The following UNC13C variants were observed in gnomAD, a reference collection of about 807,000 sequenced individuals.
UNC13C encodes the protein unc-13 homolog C, also known as protein unc-13 homolog C.
A neutral mutation model predicts 245.4 loss-of-function variants in UNC13C; 174 were observed. That is an observed-to-expected ratio of 0.71 (90% confidence interval 0.63 to 0.80). UNC13C has a LOEUF of 0.80. Among genes scored for constraint, UNC13C ranks in the 30% least tolerant of loss-of-function variants. The pLI, the probability that UNC13C is intolerant of heterozygous loss-of-function variation, is 0.00. For missense variants in UNC13C, 2,829 were observed against 2,602.9 expected, an observed-to-expected ratio of 1.09 and a Z score of -1.89; for synonymous variants, 992 against 895.1, an observed-to-expected ratio of 1.11 and a Z score of -1.93.
intron 4 of UNC13C, among the ~76,000 whole-genome samples, chr15:54,230,470 AATT>A (rs2035519544): frequency 2.4e-5 from 1 of 41,376 alleles, no homozygotes; most frequent in Non-Finnish European, 4.6e-5. Flanking sequence ...TGAAAATAAT[AATT>A]AATCTCTACT....
At chr15:53,998,837 T>G (rs1221946308) in intron 1 of UNC13C, among the ~76,000 whole-genome samples, 1 of 152,116 alleles carries the variant, frequency 6.6e-6, no homozygotes, top group Admixed American at 6.5e-5. Flanking sequence ...AAGTGCCTTT[T>G]TTTTCTTTAC....
chr15:53,955,647 G>A, the UNC13C span: 1 of 152,082 alleles, frequency 6.6e-6, no homozygotes, highest in Non-Finnish European at 1.5e-5. Context: ...GATATAAATG[G>A]GAAGTGGCAG....
At chr15:53,926,231 G>A in the UNC13C span, among the ~76,000 whole-genome samples, 5 of 152,020 alleles carry the variant, frequency 3.3e-5, no homozygotes, top group Non-Finnish European at 5.9e-5. Context: ...ATACAAAATA[G>A]TCATCTTCAA....
At chr15:54,323,099 G>T (rs2038207405) in intron 14 of UNC13C, among the ~76,000 whole-genome samples, 1 of 151,020 alleles carries the variant, frequency 6.6e-6, no homozygotes, top group Admixed American at 6.6e-5. Context: ...TTCCAATTTA[G>T]TTTACTGAAT....
chr15:54,558,943 C>A (rs1013364198), intron 29 of UNC13C, among the ~76,000 whole-genome samples: 2 of 151,922 alleles, frequency 1.3e-5, no homozygotes, highest in African/African-American at 4.8e-5. Context: ...CATGAGATTC[C>A]CCTAAATGTA....
chr15:54,306,789 T>A (rs765111773), intron 13 of UNC13C, among the ~76,000 whole-genome samples: 1 of 152,014 alleles, frequency 6.6e-6, no homozygotes, highest in Non-Finnish European at 1.5e-5. Flanking sequence ...TTTACCTTGA[T>A]GTGCTTACAA....
rs752179222 is a variant in UNC13C at position 54,012,874 on chromosome 15, G to C, written c.-30G>C. ...ATCCTGATACTTGTTTACTTTTCTGGGGCAGAAAAGCTTGCACTAATTGCT... is the reference window on the plus strand; with the variant it reads ...ATCCTGATACTTGTTTACTTTTCTGCGGCAGAAAAGCTTGCACTAATTGCT... On this transcript the variant is annotated 5_prime_UTR_variant, in exon 2 of 33. Transcript: ENST00000260323. 9.3e-6 allele frequency: 14 copies of C among 1,502,862 alleles called. No individual in the cohort carries two copies. The highest frequency in any genetic ancestry group is 1.2e-5 in the Non-Finnish European group (13 of 1,112,446). 93.1% of individuals were successfully genotyped at this position (1,502,862 alleles called of 1,614,324 possible).
At chr15:54,271,704 C>T (rs2036691921) in intron 10 of UNC13C, among the ~76,000 whole-genome samples, 1 of 152,120 alleles carries the variant, frequency 6.6e-6, no homozygotes, top group Non-Finnish European at 1.5e-5. Context: ...ATATGTGTTA[C>T]TTAATCTGTT....
intron 2 of UNC13C, among the ~76,000 whole-genome samples, chr15:54,071,383 A>C (rs985504733): frequency 4.4e-4 from 67 of 152,216 alleles, no homozygotes; most frequent in Non-Finnish European, 3.8e-4. Context: ...CTGTAGAAGT[A>C]ATGGGTATTG....
Position 54,511,834 on chromosome 15 carries a change from G to GCCCC in UNC13C, c.5457+4_5457+5insCCCC. The GCCCC allele has an allele frequency of 6.3e-7, 1 of 1,588,570 alleles. No homozygotes were observed. Among genetic ancestry groups the GCCCC allele is most frequent in the African/African-American group, 1.3e-5 (1 of 74,166 alleles). On this transcript the variant is annotated splice_donor_region_variant and intron_variant, in intron 24 of 32. Transcript: ENST00000260323. ...TGAATCCATGGGAGGGAAGGAGGTG[G>GCCCC]GTATCTTTTTCTCCTACATTTGCTA... is the stretch of plus-strand genomic sequence containing the variant.
At chr15:54,352,444 A>C (rs1179691955) in intron 17 of UNC13C, among the ~76,000 whole-genome samples, 1 of 151,096 alleles carries the variant, frequency 6.6e-6, no homozygotes, top group Admixed American at 6.6e-5. Context: ...AATCATGTGA[A>C]TAAAATGGTG....
At chr15:54,081,200 G>C (rs12898406) in intron 2 of UNC13C, among the ~76,000 whole-genome samples, 71,624 of 151,842 alleles carry the variant, frequency 0.47, 18,760 homozygotes, top group Non-Finnish European at 0.6. Flanking sequence ...TTAGAACTTA[G>C]TGAGATTTGC....
intron 31 of UNC13C, 111 bp downstream of exon 31, chr15:54,622,530 G>A: frequency 6.5e-6 from 5 of 766,602 alleles, no homozygotes; most frequent in Non-Finnish European, 8.2e-6. Flanking sequence ...ATTATTTTAG[G>A]GCATGCACAA....
At chr15:53,944,933 T>G in the UNC13C span, among the ~76,000 whole-genome samples, 1 of 152,168 alleles carries the variant, frequency 6.6e-6, no homozygotes, top group Non-Finnish European at 1.5e-5. Context: ...TCTGTTATTT[T>G]TTACTTTTTA....
intron 1 of UNC13C, among the ~76,000 whole-genome samples, chr15:54,012,392 A>G (rs1895421656): frequency 6.6e-6 from 1 of 152,202 alleles, no homozygotes; most frequent in Middle Eastern, 3.2e-3. Context: ...AAATAATCAT[A>G]ATTACCTTTT....
At chr15:54,207,078 A>T (rs2034737053) in intron 4 of UNC13C, among the ~76,000 whole-genome samples, 1 of 152,016 alleles carries the variant, frequency 6.6e-6, no homozygotes, top group South Asian at 2.1e-4. Flanking sequence ...AATGCATTGT[A>T]CCAAGGTAAG....
chr15:54,565,718 A>T (rs1452265464), intron 29 of UNC13C, among the ~76,000 whole-genome samples: 1 of 152,008 alleles, frequency 6.6e-6, no homozygotes, highest in Non-Finnish European at 1.5e-5. Flanking sequence ...GTTTTATTCC[A>T]CCCAAAATAA....
Position 54,442,686 on chromosome 15 carries a change from C to CT in UNC13C, c.4933+27625dup, listed in dbSNP as rs200380951. Among the ~76,000 whole-genome samples, 767 of 152,136 alleles carry CT rather than the reference C, an allele frequency of 5.0e-3. 6 individuals are homozygous for CT. Among genetic ancestry groups the CT allele is most frequent in the African/African-American group, 0.017 (717 of 41,528 alleles). On this transcript the variant is annotated intron_variant, in intron 19 of 32. Transcript: ENST00000260323. ...CTTTTTCTACATCCATTGAGATGAT[C>CT]TTTTTTGTCTTTCATTCTTTGATGT...
chr15:54,110,197 A>G (rs1567021280), intron 2 of UNC13C, among the ~76,000 whole-genome samples: 1 of 151,880 alleles, frequency 6.6e-6, no homozygotes, highest in African/African-American at 2.4e-5. Context: ...TGAGAATTGC[A>G]TGAACCCAGG....
Sources: allele counts gnomAD v4.1 joint callset (sites outside exome capture counted in the v4.1 genomes callset), GRCh38; gene constraint gnomAD v4.1.1; transcripts MANE v1.5; gene names NCBI Gene and HGNC (gene_info 2026-07-23, HGNC 2026-07-21).